COBLL1: variants seen among roughly 807,000 people sequenced by gnomAD.
COBLL1 encodes the protein cordon-bleu protein-like 1.
Under a neutral mutation model 94.8 loss-of-function variants are expected in COBLL1, and 50 were observed. That is an observed-to-expected ratio of 0.53 (90% CI 0.42 to 0.67). The LOEUF (loss-of-function observed/expected upper bound fraction) is 0.67. Among genes scored for constraint, COBLL1 ranks in the 30% least tolerant of loss-of-function variants. The pLI is 0.00. For missense variants in COBLL1, 1,362 were observed against 1,348.7 expected (o/e 1.01, Z -0.15); for synonymous variants, 448 against 473.8 (o/e 0.95, Z 0.71).
At chr2:164,817,634 G>T (rs1490447548) in intron 2 of COBLL1, among the ~76,000 whole-genome samples, 2 of 151,932 alleles carry the variant, frequency 1.3e-5, no homozygotes, top group Non-Finnish European at 2.9e-5. Flanking sequence ...ATCACTGTAA[G>T]ACCCCAGTGG....
chr2:164,824,919 A>G (rs542769093), intron 2 of COBLL1, among the ~76,000 whole-genome samples: 4 of 152,210 alleles, frequency 2.6e-5, no homozygotes, highest in Non-Finnish European at 4.4e-5. Context: ...CAAGTTGTCT[A>G]TAAGTTGTCA....
chr2:164,832,545 CT>C (rs1243227536), intron 2 of COBLL1, among the ~76,000 whole-genome samples: 3 of 152,196 alleles, frequency 2.0e-5, no homozygotes, highest in African/African-American at 7.2e-5. Flanking sequence ...AACTCAGCTT[CT>C]TATTCAACCA....
intron 2 of COBLL1, among the ~76,000 whole-genome samples, chr2:164,774,161 A>G (rs1166604693): frequency 6.6e-6 from 1 of 152,184 alleles, no homozygotes; most frequent in Non-Finnish European, 1.5e-5. Flanking sequence ...GTAGGATGAT[A>G]GTTTGAAGAA....
In COBLL1 at chr2:164,684,188, C is replaced by T. The variant is rs1467098472; in HGVS notation, c.*1758G>A. ...GTATTTTTTTTCCATGTTTGTTGGC[C>T]TTTTGAATTTCCTCTTGTAAGAATA... On this transcript the variant is annotated 3_prime_UTR_variant, in exon 14 of 14. Coordinates refer to ENST00000652658, the MANE Select transcript of COBLL1 (RefSeq NM_001365672.2). 1 of 151,804 alleles carries T rather than the reference C, an allele frequency of 6.6e-6. No individual in the cohort carries two copies. The highest frequency in any genetic ancestry group is 1.5e-5 in the Non-Finnish European group (1 of 67,926). The allele number at this position is 151,804 out of a possible 1,614,324, so 9.4% of individuals were successfully genotyped here.
rs67260713 is a variant in COBLL1, at chr2:164,672,728, A to AAAAT, written n.127-6828_127-6827insATTT. The stretch of plus-strand genomic sequence containing the variant: ...CTCAAAAAAAAAAAAAAAAAAAAAA[A>AAAAT]ATGACTTTGTAAAAAATGTCACTAT... On this transcript the variant is annotated intron_variant and non_coding_transcript_variant, in intron 1 of 2. Transcript: ENST00000495084. 1.0e-2 allele frequency among the ~76,000 whole-genome samples: 1,317 copies of AAAAT among 132,120 alleles called. 52 individuals carry two copies. The highest frequency in any genetic ancestry group is 0.025 in the African/African-American group (787 of 31,052). 86.7% of individuals were successfully genotyped at this position (132,120 alleles called of 152,430 possible).
At chr2:164,727,101 CT>C in intron 5 of COBLL1, 2 of 1,466,792 alleles carry the variant, frequency 1.4e-6, no homozygotes, top group Non-Finnish European at 1.9e-6. Flanking sequence ...ATTCATACAT[CT>C]TACCTTGTAA....
At chr2:164,787,986 T>C (rs1682959611) in intron 2 of COBLL1, among the ~76,000 whole-genome samples, 1 of 152,172 alleles carries the variant, frequency 6.6e-6, no homozygotes, top group Non-Finnish European at 1.5e-5. Flanking sequence ...TATCAATCAC[T>C]GTAACAGACA....
intron 2 of COBLL1, among the ~76,000 whole-genome samples, chr2:164,839,833 A>G (rs1379973615): frequency 1.3e-5 from 2 of 152,236 alleles, no homozygotes; most frequent in Non-Finnish European, 2.9e-5. Flanking sequence ...GTCAGGATAT[A>G]TGAAAATATT....
At chr2:164,741,154 T>C (rs1686571634) in intron 3 of COBLL1, among the ~76,000 whole-genome samples, 1 of 152,042 alleles carries the variant, frequency 6.6e-6, no homozygotes, top group Non-Finnish European at 1.5e-5. Flanking sequence ...TGTTCATCTG[T>C]AATCCCAGCT....
At chr2:164,715,768 G>A (rs1035307226) in intron 7 of COBLL1, among the ~76,000 whole-genome samples, 9 of 151,834 alleles carry the variant, frequency 5.9e-5, no homozygotes, top group African/African-American at 2.2e-4. Context: ...CAATAGTTGA[G>A]TGTTTGTCTG....
At chr2:164,674,802 T>C (rs556361424) in intron 1 of COBLL1, among the ~76,000 whole-genome samples, 1 of 152,334 alleles carries the variant, frequency 6.6e-6, no homozygotes, top group East Asian at 1.9e-4. Context: ...TAAACATTCA[T>C]GCGTAATTTT....
At chr2:164,836,379 A>G (rs1044301172) in intron 2 of COBLL1, among the ~76,000 whole-genome samples, 5 of 152,206 alleles carry the variant, frequency 3.3e-5, no homozygotes, top group Admixed American at 2.0e-4. Flanking sequence ...TAAATATAAA[A>G]TGTAAACATA....
chr2:164,689,360 T>A (rs538687039), intron 13 of COBLL1, among the ~76,000 whole-genome samples: 1 of 152,276 alleles, frequency 6.6e-6, no homozygotes, highest in African/African-American at 2.4e-5. Context: ...AACTTTCTGA[T>A]GAACAATCTA....
chr2:164,721,983 C>T, intron 7 of COBLL1, 92 bp downstream of exon 7: 5 of 918,422 alleles, frequency 5.4e-6, no homozygotes, highest in Non-Finnish European at 8.4e-6. Context: ...CTACTTCTTA[C>T]TAGTCTACCT....
At chr2:164,742,113 TCTAAAATAAC>T (rs2105556474) in intron 3 of COBLL1, among the ~76,000 whole-genome samples, 1 of 151,910 alleles carries the variant, frequency 6.6e-6, no homozygotes, top group Non-Finnish European at 1.5e-5. Flanking sequence ...TGTGGAAAAG[TCTAAAATAAC>T]TATGACGGGT....
At chr2:164,779,331 T>C (rs1263426720) in intron 2 of COBLL1, among the ~76,000 whole-genome samples, 1 of 152,090 alleles carries the variant, frequency 6.6e-6, no homozygotes, top group African/African-American at 2.4e-5. Context: ...GAAATTTTCA[T>C]CAGAACTGTC....
At chr2:164,836,414 C>T (rs1683322925) in intron 2 of COBLL1, among the ~76,000 whole-genome samples, 2 of 152,042 alleles carry the variant, frequency 1.3e-5, no homozygotes, top group African/African-American at 4.8e-5. Context: ...CAAGATAATG[C>T]TTTTATAAGG....
intron 2 of COBLL1, among the ~76,000 whole-genome samples, chr2:164,761,726 C>T (rs975816983): frequency 4.6e-5 from 7 of 152,118 alleles, no homozygotes; most frequent in Non-Finnish European, 8.8e-5. Context: ...CGATATAATT[C>T]ATGAAAAGAT....
chr2:164,768,169 G>A (rs1169092537), intron 2 of COBLL1, among the ~76,000 whole-genome samples: 1 of 151,998 alleles, frequency 6.6e-6, no homozygotes, highest in African/African-American at 2.4e-5. Flanking sequence ...GTCCAAACAA[G>A]TGCAGGCCAA....
Sources: allele counts gnomAD v4.1 joint callset (sites outside exome capture counted in the v4.1 genomes callset), GRCh38; gene constraint gnomAD v4.1.1; transcripts MANE v1.5; gene names NCBI Gene and HGNC (gene_info 2026-07-23, HGNC 2026-07-21).